RGS7: variants seen among roughly 807,000 people sequenced by gnomAD.
The protein encoded by RGS7 is regulator of G-protein signaling 7.
A neutral mutation model predicts 81.1 loss-of-function variants in RGS7; 27 were observed. The observed-to-expected ratio is 0.33, with a 90% CI of 0.25 to 0.46. The LOEUF (loss-of-function observed/expected upper bound fraction) is 0.46. Ranked by LOEUF, RGS7 falls within the 20% of genes least tolerant of loss-of-function variation. RGS7 has a pLI of 1.00. For synonymous variants in RGS7, 208 were observed against 207.7 expected, an observed-to-expected ratio of 1.00 and a Z score of -0.01; for missense variants, 396 against 607.4, an observed-to-expected ratio of 0.65 and a Z score of 3.66.
At chr1:240,945,995 G>C (rs1423257135) in intron 4 of RGS7, among the ~76,000 whole-genome samples, 3 of 152,054 alleles carry the variant, frequency 2.0e-5, no homozygotes, top group Non-Finnish European at 2.9e-5. Context: ...CTCAAAATTA[G>C]TTTGGAAACT....
intron 2 of RGS7, among the ~76,000 whole-genome samples, chr1:241,277,379 G>A (rs559383728): frequency 6.6e-5 from 10 of 152,272 alleles, no homozygotes; most frequent in Admixed American, 1.3e-4. Flanking sequence ...CAGCACTTTG[G>A]GAGGCCGAGG....
At chr1:240,793,142 C>A (rs2103017837) in intron 18 of RGS7, among the ~76,000 whole-genome samples, 1 of 152,242 alleles carries the variant, frequency 6.6e-6, no homozygotes, top group South Asian at 2.1e-4. Context: ...TACTCAGCAG[C>A]CCCACAGCAT....
At position 240,868,920 on chromosome 1, in the gene RGS7, CACTTGT is replaced by C; in HGVS notation, c.451-74_451-69del. On this transcript the variant is annotated intron_variant, in intron 7 of 18. Transcript: ENST00000440928. This position sits in a 1 kb window ranked among gnomAD's most constrained non-coding sequence, Gnocchi z 5.1. ...CACTGCTCTCTTCTAGCTTAGTTACCACTTGTATTTGTCAAGGAAACAAATAGAGAG... is the reference window on the plus strand; with the variant it reads ...CACTGCTCTCTTCTAGCTTAGTTACCATTTGTCAAGGAAACAAATAGAGAG... The C allele has an allele frequency of 7.2e-7, 1 of 1,395,444 alleles. No homozygotes were observed. Among genetic ancestry groups the C allele is most frequent in the Non-Finnish European group, 1.0e-6 (1 of 980,788 alleles). 86.4% of individuals were successfully genotyped at this position (1,395,444 alleles called of 1,614,324 possible). A position where few individuals can be genotyped will look rare whatever the true frequency, so the allele number is the denominator to read the frequency against.
intron 2 of RGS7, among the ~76,000 whole-genome samples, chr1:241,106,752 C>CACACACACA (rs1553421292): frequency 1.8e-4 from 22 of 121,644 alleles, no homozygotes; most frequent in African/African-American, 7.3e-4. Context: ...AACACCACCA[C>CACACACACA]CACACACACA....
intron 9 of RGS7, among the ~76,000 whole-genome samples, chr1:240,844,423 T>A (rs1352099882): frequency 6.6e-6 from 1 of 152,156 alleles, no homozygotes; most frequent in Non-Finnish European, 1.5e-5. Context: ...CCAACCCCTA[T>A]CCACATCCTC....
chr1:241,281,507 C>A (rs1197676437), intron 2 of RGS7, among the ~76,000 whole-genome samples: 1 of 152,284 alleles, frequency 6.6e-6, no homozygotes, highest in East Asian at 1.9e-4. Context: ...CACCATGGGA[C>A]CCACATGAAA....
chr1:241,153,981 G>T (rs895762617), intron 2 of RGS7, among the ~76,000 whole-genome samples: 1 of 152,166 alleles, frequency 6.6e-6, no homozygotes, highest in Non-Finnish European at 1.5e-5. Flanking sequence ...TCACATACAT[G>T]ATAAAAATGT....
chr1:241,126,139 T>C (rs962943354), intron 2 of RGS7, among the ~76,000 whole-genome samples: 1 of 151,518 alleles, frequency 6.6e-6, no homozygotes, highest in East Asian at 1.9e-4. Flanking sequence ...TATATTTATT[T>C]ATTTATTTAT....
At chr1:240,958,764 T>G (rs1680865738) in intron 4 of RGS7, among the ~76,000 whole-genome samples, 1 of 152,232 alleles carries the variant, frequency 6.6e-6, no homozygotes, top group Admixed American at 6.5e-5. Flanking sequence ...CTTGCTTTTC[T>G]TCACTGGGTA....
intron 6 of RGS7, among the ~76,000 whole-genome samples, chr1:240,917,844 C>G (rs1312094346): frequency 2.6e-5 from 4 of 151,944 alleles, no homozygotes; most frequent in African/African-American, 9.7e-5. Context: ...AAAACAGAAC[C>G]AACTATATTC....
intron 6 of RGS7, among the ~76,000 whole-genome samples, chr1:240,878,312 C>A (rs1665785430): frequency 6.6e-6 from 1 of 152,194 alleles, no homozygotes; most frequent in Non-Finnish European, 1.5e-5. Context: ...ACCGACCCAC[C>A]AGAATGTCAC....
intron 5 of RGS7, among the ~76,000 whole-genome samples, chr1:240,932,699 G>A (rs1328745008): frequency 6.6e-6 from 1 of 150,410 alleles, no homozygotes; most frequent in Non-Finnish European, 1.5e-5. Flanking sequence ...TAGTAGAGAC[G>A]GGGTTTCACC....
At chr1:240,946,309 G>A (rs1018220488) in intron 4 of RGS7, among the ~76,000 whole-genome samples, 1 of 151,926 alleles carries the variant, frequency 6.6e-6, no homozygotes, top group Non-Finnish European at 1.5e-5. Flanking sequence ...TGTTTTTAAA[G>A]AATTAAAATC....
chr1:241,141,797 T>C (rs191062478), intron 2 of RGS7, among the ~76,000 whole-genome samples: 122 of 152,298 alleles, frequency 8.0e-4, no homozygotes, highest in African/African-American at 2.8e-3. Context: ...GAAAATCTCA[T>C]GTACCCACAT....
At chr1:241,184,496 C>T (rs2071922570) in intron 2 of RGS7, among the ~76,000 whole-genome samples, 1 of 152,100 alleles carries the variant, frequency 6.6e-6, no homozygotes, top group African/African-American at 2.4e-5. Context: ...GGAAATGCTC[C>T]AAAATCCAAA....
At chr1:240,883,388 G>C (rs1210160870) in intron 6 of RGS7, among the ~76,000 whole-genome samples, 1 of 152,022 alleles carries the variant, frequency 6.6e-6, no homozygotes. Flanking sequence ...AATCTGAAAG[G>C]TGTGGCTGCT....
chr1:240,902,017 T>A (rs1670094266), intron 6 of RGS7, among the ~76,000 whole-genome samples: 1 of 152,216 alleles, frequency 6.6e-6, no homozygotes, highest in Admixed American at 6.5e-5. Context: ...AATAGAGCCA[T>A]CGAAATGTTT....
chr1:240,887,164 A>C (rs1412888418), intron 6 of RGS7, among the ~76,000 whole-genome samples: 1 of 152,172 alleles, frequency 6.6e-6, no homozygotes, highest in Non-Finnish European at 1.5e-5. Context: ...TACTCAAAAG[A>C]AAATTATAGC....
intron 2 of RGS7, among the ~76,000 whole-genome samples, chr1:241,207,897 A>C (rs2074013906): frequency 6.6e-6 from 1 of 152,102 alleles, no homozygotes; most frequent in South Asian, 2.1e-4. Flanking sequence ...GTGTGGAGAA[A>C]TGCTGACATC....
Sources: gnomAD v4.1 joint callset for allele counts (sites outside exome capture counted in the v4.1 genomes callset) on GRCh38, gnomAD v4.1.1 for gene constraint, Gnocchi (gnomAD v3.1) non-coding constraint, MANE v1.5 for transcripts, NCBI Gene and HGNC (gene_info 2026-07-23, HGNC 2026-07-21) for gene names.